The following MGAT5B variants were observed in gnomAD, a reference collection of about 807,000 sequenced individuals.
MGAT5B encodes the protein alpha-1,6-mannosylglycoprotein 6-beta-N-acetylglucosaminyltransferase B.
MGAT5B carries 54 observed loss-of-function variants against 95.1 expected under a neutral mutation model. That is an observed-to-expected ratio of 0.57 (90% confidence interval 0.46 to 0.71). The LOEUF (loss-of-function observed/expected upper bound fraction) is 0.71. Among genes scored for constraint, MGAT5B ranks in the 30% least tolerant of loss-of-function variants. The pLI, the probability that MGAT5B is intolerant of heterozygous loss-of-function variation, is 0.00. For synonymous variants in MGAT5B, 464 were observed against 451.0 expected (o/e 1.03, Z -0.36); for missense variants, 935 against 1,088.6 (o/e 0.86, Z 1.99).
chr17:76,906,107 G>A lies in MGAT5B; in HGVS notation c.945G>A (p.Val315=), dbSNP rs760085754. 2.4e-5 allele frequency: 38 copies of A among 1,607,090 alleles called. No homozygotes were observed. In the Admixed American group the frequency reaches 5.3e-4, roughly 22 times the overall value. ...VLKGGPLGEM[V]QWADILTALY... is the part of the protein sequence containing the mutation. Reference sequence around the variant, plus strand: ...AGGGCGGGCCCCTAGGGGAGATGGTGCAGTGGGCGGACATTCTGACTGCAC... The same window carrying A: ...AGGGCGGGCCCCTAGGGGAGATGGTACAGTGGGCGGACATTCTGACTGCAC... Residue 315 remains valine, a synonymous_variant, in exon 8 of 18, where the codon GTG becomes GTA. Transcript: ENST00000569840. This position sits in a 1 kb window ranked among gnomAD's most constrained non-coding sequence, Gnocchi z 4.6.
chr17:76,872,459 A>G (rs1967042784), intron 1 of MGAT5B, among the ~76,000 whole-genome samples: 1 of 152,224 alleles, frequency 6.6e-6, no homozygotes, highest in Admixed American at 6.5e-5. Context: ...TATCTGATTC[A>G]GTAATTTGGG....
chr17:76,872,874 T>C lies in MGAT5B; in HGVS notation c.92T>C (p.Phe31Ser), dbSNP rs1278412373. 1.2e-6 allele frequency: 2 copies of C among 1,614,090 alleles called. No homozygotes were observed. Among genetic ancestry groups the C allele is most frequent in the Non-Finnish European group, 1.7e-6 (2 of 1,180,046 alleles). The change falls in exon 2 of 18, where the codon TTC becomes TCC. Residue 31 changes from phenylalanine to serine, a missense_variant. Physicochemically the swap from Phe to Ser is radical, Grantham distance 155 (BLOSUM62 -2). Coordinates refer to ENST00000569840, the MANE Select transcript of MGAT5B (RefSeq NM_001199172.2). ...PFRLFVLGIG[F>S]FTLCFLMTSL... ...AGGCTTTTTGTCCTGGGCATCGGCT[T>C]CTTCACTCTCTGCTTCCTGATGACG...
chr17:76,887,086 C>G (rs993851014), intron 3 of MGAT5B, among the ~76,000 whole-genome samples: 25 of 151,810 alleles, frequency 1.6e-4, no homozygotes, highest in Non-Finnish European at 3.4e-4. Context: ...CTAGACTCCC[C>G]AGTTTATGTC....
At chr17:76,924,219 G>A (rs909405684) in intron 8 of MGAT5B, 11 of 152,270 alleles carry the variant, frequency 7.2e-5, no homozygotes, top group African/African-American at 2.7e-4. Context: ...ATGGGGTGTG[G>A]TCATGTCCTT....
chr17:76,919,522 C>T (rs571076934), intron 8 of MGAT5B, among the ~76,000 whole-genome samples: 3 of 152,326 alleles, frequency 2.0e-5, no homozygotes, highest in South Asian at 2.1e-4. Context: ...CTTAACATCC[C>T]AGGTTCAAAC....
At chr17:76,876,696 T>C (rs1204073451) in intron 2 of MGAT5B, among the ~76,000 whole-genome samples, 1 of 152,206 alleles carries the variant, frequency 6.6e-6, no homozygotes, top group Non-Finnish European at 1.5e-5. Context: ...TGTTTATACT[T>C]CATGATAAAC....
At chr17:76,904,561 C>T in intron 6 of MGAT5B, 139 bp downstream of exon 6, 2 of 1,003,530 alleles carry the variant, frequency 2.0e-6, no homozygotes, top group Non-Finnish European at 2.8e-6. Context: ...GCCCACCCTA[C>T]CGGGCAGACG....
At chr17:76,875,670 T>C (rs2145118948) in intron 2 of MGAT5B, among the ~76,000 whole-genome samples, 1 of 147,968 alleles carries the variant, frequency 6.8e-6, no homozygotes, top group Non-Finnish European at 1.5e-5. Context: ...TTTTTTTTTT[T>C]TTTTTTTTGC....
chr17:76,918,291 TC>T lies in MGAT5B; in HGVS notation c.1026-6672del, dbSNP rs552913745. The stretch of plus-strand genomic sequence containing the variant: ...ACTGTGCCTCCATCTGCCTTTGGAC[TC>T]CCTTTTCCTCTGAGCCAGGGACCCT... On this transcript the variant is annotated intron_variant, in intron 8 of 17. Transcript: ENST00000569840. This position sits in a 1 kb window ranked among gnomAD's most constrained non-coding sequence, Gnocchi z 5.1. Among the ~76,000 whole-genome samples the T allele has an allele frequency of 1.3e-3, 201 of 152,244 alleles. No individual in the cohort carries two copies. The highest frequency in any genetic ancestry group is 4.7e-3 in the African/African-American group (197 of 41,570).
In MGAT5B at chr17:76,895,475, A is replaced by G. The variant is rs143321357; in HGVS notation, c.330-7080A>G. Among the ~76,000 whole-genome samples, 441 of 152,250 alleles carry G rather than the reference A, an allele frequency of 2.9e-3. 4 individuals carry two copies. Among genetic ancestry groups the G allele is most frequent in the African/African-American group, 0.01 (427 of 41,548 alleles). On this transcript the variant is annotated intron_variant, in intron 3 of 17. Coordinates refer to ENST00000569840, the MANE Select transcript of MGAT5B (RefSeq NM_001199172.2). The stretch of plus-strand genomic sequence containing the variant: ...AAAAGGTTGGGAACCACTGGATTAA[A>G]CAACAGAAATTGATCGTTTCACAGT...
At chr17:76,934,263 C>T (rs1221063885) in intron 12 of MGAT5B, among the ~76,000 whole-genome samples, 1 of 152,218 alleles carries the variant, frequency 6.6e-6, no homozygotes, top group Non-Finnish European at 1.5e-5. Flanking sequence ...GTAGGTGCTG[C>T]ATGTGATCCT....
intron 2 of MGAT5B, among the ~76,000 whole-genome samples, chr17:76,875,714 T>A (rs1425490266): frequency 7.3e-6 from 1 of 136,398 alleles, no homozygotes; most frequent in African/African-American, 2.8e-5. Flanking sequence ...TACACCACCA[T>A]ATTTTTATCC....
chr17:76,902,461 C>A, intron 3 of MGAT5B, 94 bp from the exon 4 acceptor site: 2 of 874,542 alleles, frequency 2.3e-6, no homozygotes, highest in Non-Finnish European at 3.6e-6. Context: ...ATTGCAGAGC[C>A]TGCCGCCTTT....
At chr17:76,945,972 C>A (rs1599012239) in intron 15 of MGAT5B, among the ~76,000 whole-genome samples, 1 of 152,118 alleles carries the variant, frequency 6.6e-6, no homozygotes, top group East Asian at 1.9e-4. Context: ...GGAAAGTGTT[C>A]CTGTAACAGG....
Position 76,930,193 on chromosome 17 carries a change from G to A in MGAT5B, c.1292-2452G>A, listed in dbSNP as rs1280246367. 6.6e-6 allele frequency among the ~76,000 whole-genome samples: 1 copy of A among 151,906 alleles called. No individual in the cohort carries two copies. Among genetic ancestry groups the A allele is most frequent in the Non-Finnish European group, 1.5e-5 (1 of 67,952 alleles). Reference sequence around the variant, plus strand: ...TCTAGAGGAGAGATCGTTTGGTTCTGTAGTTGAATTTTCAGGCCCAAGAAT... The same window carrying A: ...TCTAGAGGAGAGATCGTTTGGTTCTATAGTTGAATTTTCAGGCCCAAGAAT... On this transcript the variant is annotated intron_variant, in intron 10 of 17. Coordinates refer to ENST00000569840, the MANE Select transcript of MGAT5B (RefSeq NM_001199172.2). This position sits in a 1 kb window ranked among gnomAD's most constrained non-coding sequence, Gnocchi z 4.1.
intron 8 of MGAT5B, among the ~76,000 whole-genome samples, chr17:76,919,460 C>T (rs189131962): frequency 6.6e-6 from 1 of 152,332 alleles, no homozygotes; most frequent in Non-Finnish European, 1.5e-5. Context: ...GACCGGGTCT[C>T]ACTCTGTTGC....
intron 10 of MGAT5B, among the ~76,000 whole-genome samples, chr17:76,931,158 G>A (rs1485723649): frequency 1.3e-5 from 2 of 152,146 alleles, no homozygotes; most frequent in South Asian, 2.1e-4. Flanking sequence ...GTGTAGTGGC[G>A]TGATCTCAGC....
chr17:76,902,742 G>GGT, intron 4 of MGAT5B, 72 bp downstream of exon 4: 9 of 836,014 alleles, frequency 1.1e-5, no homozygotes, highest in East Asian at 3.1e-5. Flanking sequence ...TGGGCCCTGG[G>GGT]AGGGTGGGAC....
intron 2 of MGAT5B, among the ~76,000 whole-genome samples, chr17:76,877,969 T>G (rs1455975419): frequency 6.6e-6 from 1 of 152,168 alleles, no homozygotes; most frequent in Non-Finnish European, 1.5e-5. Flanking sequence ...CCAGCTTTCC[T>G]TATTTATATG....
Sources: allele counts gnomAD v4.1 joint callset (sites outside exome capture counted in the v4.1 genomes callset), GRCh38; gene constraint gnomAD v4.1.1; non-coding constraint Gnocchi (gnomAD v3.1); transcripts MANE v1.5; gene names NCBI Gene and HGNC (gene_info 2026-07-23, HGNC 2026-07-21).